Variants in HMGCLL1 observed in about 807,000 individuals in gnomAD.
The protein encoded by HMGCLL1 is 3-hydroxymethyl-3-methylglutaryl-CoA lyase, cytoplasmic.
HMGCLL1 carries 36 observed loss-of-function variants against 39.1 expected under a neutral mutation model. The ratio of observed to expected loss-of-function variants is 0.92; its 90% CI spans 0.71 to 1.22. The LOEUF is 1.22. Ranked by LOEUF, HMGCLL1 falls within the 50% of genes most tolerant of loss-of-function variation. The pLI is 0.00. For missense variants in HMGCLL1, 451 were observed against 416.5 expected (o/e 1.08, Z -0.72); for synonymous variants, 149 against 144.0 (o/e 1.03, Z -0.25).
chr6:55,456,606 A>C (rs1429784014), intron 7 of HMGCLL1, among the ~76,000 whole-genome samples: 1 of 152,082 alleles, frequency 6.6e-6, no homozygotes, highest in Non-Finnish European at 1.5e-5. Flanking sequence ...GCCAACAGTA[A>C]GCTCTGGTGT....
In HMGCLL1 at chr6:55,498,696, CTT is replaced by C. The variant is rs564603229; in HGVS notation, c.606+538_606+539del. Among the ~76,000 whole-genome samples, 193 of 152,136 alleles carry C rather than the reference CTT, an allele frequency of 1.3e-3. 1 individual carries two copies. Among genetic ancestry groups the C allele is most frequent in the African/African-American group, 4.4e-3 (183 of 41,494 alleles). On this transcript the variant is annotated intron_variant, in intron 6 of 8. Transcript: ENST00000274901. ...TAATAAAGGACAGGAAGAAAATAAACTTCAGTAATCAGGGCCTTAATGACTAT... is the reference window on the plus strand; with the variant it reads ...TAATAAAGGACAGGAAGAAAATAAACCAGTAATCAGGGCCTTAATGACTAT...
At chr6:55,462,085 T>C (rs1764591471) in intron 7 of HMGCLL1, among the ~76,000 whole-genome samples, 1 of 151,968 alleles carries the variant, frequency 6.6e-6, no homozygotes, top group Admixed American at 6.6e-5. Context: ...GATTATGGGG[T>C]TTTTGGGTAA....
chr6:55,499,694 G>C (rs912436041), intron 5 of HMGCLL1, among the ~76,000 whole-genome samples: 1 of 152,002 alleles, frequency 6.6e-6, no homozygotes, highest in Non-Finnish European at 1.5e-5. Flanking sequence ...AGATCATGTA[G>C]TAAACTAACT....
At chr6:55,626,832 G>A in the HMGCLL1 span, among the ~76,000 whole-genome samples, 1 of 151,948 alleles carries the variant, frequency 6.6e-6, no homozygotes. Flanking sequence ...TCACAGTGTT[G>A]GCTGGGGTGA....
chr6:55,444,328 A>G (rs531291270), intron 7 of HMGCLL1, among the ~76,000 whole-genome samples: 43 of 152,200 alleles, frequency 2.8e-4, no homozygotes, highest in African/African-American at 9.6e-4. Flanking sequence ...AAATAACTAG[A>G]TAAAAATAAA....
At chr6:55,505,592 C>T (rs1267426700) in intron 5 of HMGCLL1, among the ~76,000 whole-genome samples, 3 of 151,530 alleles carry the variant, frequency 2.0e-5, no homozygotes, top group African/African-American at 7.3e-5. Flanking sequence ...TCAATTTTTG[C>T]TCTAGAATAC....
At chr6:55,659,003 C>G in the HMGCLL1 span, among the ~76,000 whole-genome samples, 178 of 151,864 alleles carry the variant, frequency 1.2e-3, 1 homozygote, top group Middle Eastern at 0.014. Context: ...TATGTGTAGA[C>G]AAATTAAGAG....
chr6:55,522,998 T>A (rs2127442913), intron 3 of HMGCLL1, among the ~76,000 whole-genome samples: 1 of 152,124 alleles, frequency 6.6e-6, no homozygotes, highest in South Asian at 2.1e-4. Flanking sequence ...ATCTTTACAA[T>A]GATATCTACA....
chr6:55,570,337 T>C (rs1771414633), intron 1 of HMGCLL1, among the ~76,000 whole-genome samples: 5 of 152,160 alleles, frequency 3.3e-5, no homozygotes, highest in Admixed American at 2.6e-4. Flanking sequence ...AGGTCTCAAT[T>C]ACCCTTGAGA....
the HMGCLL1 span, among the ~76,000 whole-genome samples, chr6:55,602,020 A>G: frequency 1.0e-3 from 158 of 152,226 alleles, 1 homozygote; most frequent in Non-Finnish European, 1.4e-3. Flanking sequence ...TCATTTTTAA[A>G]TATAATAAAT....
intron 3 of HMGCLL1, among the ~76,000 whole-genome samples, chr6:55,528,510 C>T (rs1768450564): frequency 6.6e-6 from 1 of 152,018 alleles, no homozygotes; most frequent in Non-Finnish European, 1.5e-5. Context: ...AGACTCCTTG[C>T]ACAAACCCCA....
At chr6:55,470,585 G>GGTA (rs1426436991) in intron 7 of HMGCLL1, among the ~76,000 whole-genome samples, 2 of 151,546 alleles carry the variant, frequency 1.3e-5, no homozygotes, top group African/African-American at 4.8e-5. Context: ...TTATATTTAA[G>GGTA]GTAGACACAA....
the HMGCLL1 span, among the ~76,000 whole-genome samples, chr6:55,632,803 A>C: frequency 6.6e-6 from 1 of 152,104 alleles, no homozygotes; most frequent in African/African-American, 2.4e-5. Flanking sequence ...GTTTAGTAAA[A>C]GCATAATCAT....
chr6:55,440,001 G>GGA (rs1763529738), intron 7 of HMGCLL1, among the ~76,000 whole-genome samples: 1 of 152,074 alleles, frequency 6.6e-6, no homozygotes, highest in Non-Finnish European at 1.5e-5. Flanking sequence ...TGAGGGCAGG[G>GGA]GAGAGAGAAG....
At chr6:55,557,056 A>G (rs1186624715) in intron 1 of HMGCLL1, among the ~76,000 whole-genome samples, 3 of 152,206 alleles carry the variant, frequency 2.0e-5, no homozygotes, top group African/African-American at 7.2e-5. Flanking sequence ...ATTTTCCTAG[A>G]AGCTTTCTCA....
chr6:55,622,476 T>G, the HMGCLL1 span, among the ~76,000 whole-genome samples: 1 of 152,130 alleles, frequency 6.6e-6, no homozygotes, highest in Non-Finnish European at 1.5e-5. Context: ...GTTTTTATTA[T>G]GAAGTATGTT....
At chr6:55,543,596 A>ATATAT (rs1769776238) in intron 1 of HMGCLL1, among the ~76,000 whole-genome samples, 1 of 59,636 alleles carries the variant, frequency 1.7e-5, no homozygotes, top group Non-Finnish European at 3.8e-5. Context: ...ATATATATAT[A>ATATAT]TTTTTTTGCC....
At chr6:55,579,768 T>C (rs557917159), upstream of HMGCLL1, among the ~76,000 whole-genome samples, 75 of 152,264 alleles carry the variant, frequency 4.9e-4, no homozygotes, top group Admixed American at 9.2e-4. Flanking sequence ...AAAAGTCTCA[T>C]GGCACAAAAT....
At chr6:55,666,733 G>A in the HMGCLL1 span, among the ~76,000 whole-genome samples, 933 of 151,656 alleles carry the variant, frequency 6.2e-3, 13 homozygotes, top group African/African-American at 0.021. Flanking sequence ...ATACCAAAAG[G>A]AAACAAATCC....
Sources: gnomAD v4.1 joint callset for allele counts (sites outside exome capture counted in the v4.1 genomes callset) on GRCh38, gnomAD v4.1.1 for gene constraint, MANE v1.5 for transcripts, NCBI Gene and HGNC (gene_info 2026-07-23, HGNC 2026-07-21) for gene names.